CCDC178: variants seen among roughly 807,000 people sequenced by gnomAD.
CCDC178 encodes the protein coiled-coil domain-containing protein 178.
A neutral mutation model predicts 117.4 loss-of-function variants in CCDC178; 126 were observed. That is an observed-to-expected ratio of 1.07 (90% confidence interval 0.93 to 1.24). The LOEUF is 1.24. Among genes scored for constraint, CCDC178 ranks in the 50% most tolerant of loss-of-function variants. CCDC178 has a pLI of 0.00. For missense variants in CCDC178, 1,030 were observed against 986.9 expected (o/e 1.04, Z -0.59); for synonymous variants, 283 against 313.4 (o/e 0.90, Z 1.02).
chr18:33,330,679 G>A (rs1299023115), intron 10 of CCDC178, among the ~76,000 whole-genome samples: 1 of 152,104 alleles, frequency 6.6e-6, no homozygotes, highest in Non-Finnish European at 1.5e-5. Flanking sequence ...CTATTTTGGA[G>A]GTACAAGTCC....
At chr18:33,379,564 T>TAGAACTG (rs2063413505) in intron 5 of CCDC178, among the ~76,000 whole-genome samples, 2 of 152,070 alleles carry the variant, frequency 1.3e-5, no homozygotes, top group African/African-American at 4.8e-5. Flanking sequence ...GAATAAGCAC[T>TAGAACTG]AGAACTGAGG....
intron 20 of CCDC178, among the ~76,000 whole-genome samples, chr18:33,118,769 C>A (rs1452821832): frequency 1.3e-5 from 2 of 152,178 alleles, no homozygotes; most frequent in Non-Finnish European, 2.9e-5. Context: ...CTGAAGGCAT[C>A]ATGCTACCTG....
chr18:33,006,457 T>A (rs1226589254), intron 21 of CCDC178, among the ~76,000 whole-genome samples: 1 of 152,140 alleles, frequency 6.6e-6, no homozygotes, highest in African/African-American at 2.4e-5. Context: ...ATGAACAATA[T>A]CAGTCATAAC....
chr18:33,014,785 A>G (rs1396160934), intron 21 of CCDC178, among the ~76,000 whole-genome samples: 1 of 152,218 alleles, frequency 6.6e-6, no homozygotes, highest in African/African-American at 2.4e-5. Context: ...CAGACTTTAT[A>G]GAATTGGTCC....
At chr18:33,364,731 C>CTTT (rs2063176339) in intron 6 of CCDC178, among the ~76,000 whole-genome samples, 1 of 99,736 alleles carries the variant, frequency 1.0e-5, no homozygotes, top group Non-Finnish European at 2.0e-5. Flanking sequence ...TGTTGTCGCT[C>CTTT]CTTTTTTTTT....
At chr18:33,098,297 C>A (rs1295822610) in intron 20 of CCDC178, among the ~76,000 whole-genome samples, 2 of 152,000 alleles carry the variant, frequency 1.3e-5, no homozygotes, top group Non-Finnish European at 2.9e-5. Flanking sequence ...AAATGCATAG[C>A]AATGTGTCAT....
At chr18:33,363,166 T>C (rs1316437943) in intron 6 of CCDC178, among the ~76,000 whole-genome samples, 2 of 152,016 alleles carry the variant, frequency 1.3e-5, no homozygotes, top group Non-Finnish European at 2.9e-5. Flanking sequence ...AATTATCTAA[T>C]TCAAGGAAAG....
chr18:33,411,168 T>C (rs550808651), intron 3 of CCDC178, among the ~76,000 whole-genome samples: 3 of 152,314 alleles, frequency 2.0e-5, no homozygotes, highest in African/African-American at 7.2e-5. Flanking sequence ...CCTGCATTTT[T>C]ATGGTTGGTT....
chr18:33,051,447 AG>A (rs1357789622), intron 21 of CCDC178, among the ~76,000 whole-genome samples: 1 of 152,224 alleles, frequency 6.6e-6, no homozygotes, highest in Non-Finnish European at 1.5e-5. Flanking sequence ...CACTTGTGAA[AG>A]TAGTCTTCTC....
At chr18:32,946,047 A>G (rs1340541921) in intron 22 of CCDC178, among the ~76,000 whole-genome samples, 3 of 152,130 alleles carry the variant, frequency 2.0e-5, no homozygotes, top group African/African-American at 4.8e-5. Flanking sequence ...ATACTTCCTT[A>G]TATTACACTT....
chr18:33,388,199 A>G lies in CCDC178; in HGVS notation c.208+1341T>C, dbSNP rs560953459. Reference sequence around the variant, plus strand: ...ACGCCAGTCAGAATGGCAATTATTAAAAAGTCAAGAAACAACAGATGCTAG... The same window carrying G: ...ACGCCAGTCAGAATGGCAATTATTAGAAAGTCAAGAAACAACAGATGCTAG... On this transcript the variant is annotated intron_variant, in intron 5 of 22. Transcript: ENST00000383096. Among the ~76,000 whole-genome samples the G allele has an allele frequency of 5.9e-4, 90 of 152,334 alleles. 2 individuals carry two copies. In the South Asian group the frequency reaches 0.018, roughly 31 times the overall value.
intron 5 of CCDC178, among the ~76,000 whole-genome samples, chr18:33,384,692 T>C (rs1159787875): frequency 4.6e-5 from 7 of 152,178 alleles, no homozygotes. Context: ...CAGGTCTGCC[T>C]TGCAAGAGCT....
intron 20 of CCDC178, among the ~76,000 whole-genome samples, chr18:33,146,427 G>C (rs2058268755): frequency 6.6e-6 from 1 of 152,204 alleles, no homozygotes; most frequent in Admixed American, 6.5e-5. Context: ...AGACGAGGTA[G>C]GAAGACTGCT....
At chr18:33,071,252 C>T (rs2057104012) in intron 21 of CCDC178, among the ~76,000 whole-genome samples, 1 of 151,916 alleles carries the variant, frequency 6.6e-6, no homozygotes, top group African/African-American at 2.4e-5. Context: ...AGAAATTTAA[C>T]AGAAAAGAAG....
At chr18:33,320,659 C>T (rs1313017998) in intron 11 of CCDC178, among the ~76,000 whole-genome samples, 2 of 152,190 alleles carry the variant, frequency 1.3e-5, no homozygotes, top group Admixed American at 6.5e-5. Context: ...AATGGCCATA[C>T]TGCCCAAGGT....
intron 15 of CCDC178, among the ~76,000 whole-genome samples, chr18:33,232,160 CA>C (rs2059374905): frequency 6.6e-6 from 1 of 152,118 alleles, no homozygotes; most frequent in Non-Finnish European, 1.5e-5. Context: ...GGAAAGAGGG[CA>C]CATTCAACAG....
chr18:33,064,704 C>T (rs535724070), intron 21 of CCDC178, among the ~76,000 whole-genome samples: 44 of 152,260 alleles, frequency 2.9e-4, no homozygotes, highest in African/African-American at 1.0e-3. Context: ...CCAGCAATCC[C>T]AATACTCCAT....
chr18:33,412,538 G>C (rs901285167), intron 2 of CCDC178, among the ~76,000 whole-genome samples: 1 of 152,024 alleles, frequency 6.6e-6, no homozygotes, highest in African/African-American at 2.4e-5. Context: ...AGCAAAAAGT[G>C]CAATGGATTT....
At chr18:33,344,530 T>C (rs952348507) in intron 9 of CCDC178, among the ~76,000 whole-genome samples, 1 of 152,208 alleles carries the variant, frequency 6.6e-6, no homozygotes, top group African/African-American at 2.4e-5. Context: ...TGTGCACATA[T>C]GTATCTCAAT....
Sources: allele counts gnomAD v4.1 joint callset (sites outside exome capture counted in the v4.1 genomes callset), GRCh38; gene constraint gnomAD v4.1.1; transcripts MANE v1.5; gene names NCBI Gene and HGNC (gene_info 2026-07-23, HGNC 2026-07-21).